The following MSH3 variants were observed in gnomAD, a reference collection of about 807,000 sequenced individuals.
The protein encoded by MSH3 is mutS homolog 3, also known as DNA mismatch repair protein Msh3.
Under a neutral mutation model 123.3 loss-of-function variants are expected in MSH3, and 106 were observed. That is an observed-to-expected ratio of 0.86 (90% CI 0.73 to 1.01). The LOEUF is 1.01. Ranked by LOEUF, MSH3 falls within the 50% of genes least tolerant of loss-of-function variation. The pLI is 0.00. For missense variants in MSH3, 1,459 were observed against 1,347.6 expected, an observed-to-expected ratio of 1.08 and a Z score of -1.29; for synonymous variants, 515 against 481.4, an observed-to-expected ratio of 1.07 and a Z score of -0.91.
intron 19 of MSH3, among the ~76,000 whole-genome samples, chr5:80,804,223 A>G (rs993766820): frequency 6.6e-6 from 1 of 152,104 alleles, no homozygotes; most frequent in Non-Finnish European, 1.5e-5. Context: ...TGTCCTCTTT[A>G]ATTTTTTGCA....
At chr5:80,724,678 A>G (rs745748203) in intron 8 of MSH3, among the ~76,000 whole-genome samples, 13 of 152,204 alleles carry the variant, frequency 8.5e-5, no homozygotes, top group African/African-American at 9.6e-5. Flanking sequence ...ACTATATTTG[A>G]CTGGAGACTG....
chr5:80,788,516 T>C (rs1357945659), intron 18 of MSH3, among the ~76,000 whole-genome samples: 2 of 151,806 alleles, frequency 1.3e-5, no homozygotes, highest in Non-Finnish European at 2.9e-5. Flanking sequence ...TATATATACT[T>C]AAGAAAAAGT....
intron 10 of MSH3, among the ~76,000 whole-genome samples, chr5:80,730,895 T>TATATA (rs60328336): frequency 0.011 from 995 of 93,210 alleles, 4 homozygotes; most frequent in East Asian, 0.068. Context: ...TATATATATA[T>TATATA]TTTTTTTTTT....
At chr5:80,713,365 A>G (rs1020710382) in intron 8 of MSH3, among the ~76,000 whole-genome samples, 5 of 152,198 alleles carry the variant, frequency 3.3e-5, no homozygotes, top group African/African-American at 1.2e-4. Context: ...TTACATGTGA[A>G]AAGGATTTCT....
intron 13 of MSH3, among the ~76,000 whole-genome samples, chr5:80,762,067 A>G (rs1483359630): frequency 6.6e-6 from 1 of 152,120 alleles, no homozygotes; most frequent in Non-Finnish European, 1.5e-5. Context: ...AACTATGGAA[A>G]AATCTGCTAG....
intron 10 of MSH3, among the ~76,000 whole-genome samples, chr5:80,735,402 A>T (rs1469064889): frequency 6.6e-6 from 1 of 150,996 alleles, no homozygotes; most frequent in Non-Finnish European, 1.5e-5. Context: ...AAAAAAAAAA[A>T]AAGTTGAGCA....
intron 21 of MSH3, among the ~76,000 whole-genome samples, chr5:80,854,851 C>G (rs1331923521): frequency 6.6e-6 from 1 of 152,130 alleles, no homozygotes; most frequent in Admixed American, 6.6e-5. Flanking sequence ...ATCTTATTAT[C>G]CTTGGTGAAC....
chr5:80,669,857 T>G (rs1471633943), intron 3 of MSH3, among the ~76,000 whole-genome samples: 1 of 152,242 alleles, frequency 6.6e-6, no homozygotes, highest in Non-Finnish European at 1.5e-5. Flanking sequence ...ATATTTAGAC[T>G]TTCAAAATTT....
At chr5:80,825,682 C>T (rs1201208671) in intron 20 of MSH3, among the ~76,000 whole-genome samples, 2 of 152,148 alleles carry the variant, frequency 1.3e-5, no homozygotes, top group African/African-American at 2.4e-5. Flanking sequence ...ATCCCACCAC[C>T]AGTGTTTAAA....
At chr5:80,772,390 C>A (rs1243406331) in intron 15 of MSH3, among the ~76,000 whole-genome samples, 1 of 152,072 alleles carries the variant, frequency 6.6e-6, no homozygotes, top group Non-Finnish European at 1.5e-5. Flanking sequence ...AAGTGTGGTG[C>A]TGGAGAAAAC....
At position 80,769,005 on chromosome 5, in the gene MSH3, T is replaced by G; in HGVS notation, c.2253+2T>G. The stretch of plus-strand genomic sequence containing the variant: ...TATGTGACAGTATCAGGACAGGAGG[T>G]AATGTCAAGCTTACTTTTATTTTCT... On this transcript the variant is annotated splice_donor_variant, in intron 15 of 23. Transcript: ENST00000265081. LOFTEE classifies it high-confidence loss of function. 1.2e-6 allele frequency: 2 copies of G among 1,611,454 alleles called. No individual in the cohort carries two copies. The highest frequency in any genetic ancestry group is 1.7e-6 in the Non-Finnish European group (2 of 1,178,302).
intron 20 of MSH3, among the ~76,000 whole-genome samples, chr5:80,838,847 G>A (rs1277680649): frequency 2.0e-5 from 3 of 152,122 alleles, no homozygotes; most frequent in African/African-American, 7.2e-5. Flanking sequence ...TTAGCTGTGT[G>A]ACATAAATTT....
chr5:80,685,402 G>A (rs1256426236), intron 8 of MSH3, among the ~76,000 whole-genome samples: 1 of 151,784 alleles, frequency 6.6e-6, no homozygotes, highest in Non-Finnish European at 1.5e-5. Context: ...TTGGTGGATT[G>A]TGTGTGTTTA....
Position 80,854,218 on chromosome 5 carries a change from T to C in MSH3, c.2902T>C (p.Ser968Pro). Residue 968 changes from serine to proline, a missense_variant, in exon 21 of 24, where the codon TCA (serine) becomes CCA (proline). By Grantham distance (74) the Ser-to-Pro change is moderately conservative. Coordinates refer to ENST00000265081, the MANE Select transcript of MSH3 (RefSeq NM_002439.5). ...AGCAGAAATAATCAGAAAAGCAACA[T>C]CACAGTCCTTGGTTATCTTGGATGA... ...DTAEIIRKAT[S>P]QSLVILDELG... The C allele has an allele frequency of 6.2e-7, 1 of 1,613,844 alleles. No individual in the cohort carries two copies.
chr5:80,824,558 C>G (rs566384053), intron 20 of MSH3, among the ~76,000 whole-genome samples: 12 of 152,362 alleles, frequency 7.9e-5, no homozygotes, highest in Middle Eastern at 6.8e-3. Flanking sequence ...AGCACTTCCT[C>G]AAGCCCTCGC....
At chr5:80,694,189 C>G (rs1188627334) in intron 8 of MSH3, among the ~76,000 whole-genome samples, 2 of 152,090 alleles carry the variant, frequency 1.3e-5, no homozygotes, top group African/African-American at 2.4e-5. Context: ...TACTTCAGAC[C>G]ATACAGAAAA....
chr5:80,830,286 T>G (rs1379812569), intron 20 of MSH3, among the ~76,000 whole-genome samples: 4 of 152,218 alleles, frequency 2.6e-5, no homozygotes, highest in African/African-American at 7.2e-5. Flanking sequence ...TAATTTACTT[T>G]CCTGTTTCTG....
intron 8 of MSH3, among the ~76,000 whole-genome samples, chr5:80,720,905 C>G (rs1372501862): frequency 6.6e-6 from 1 of 152,072 alleles, no homozygotes; most frequent in Non-Finnish European, 1.5e-5. Context: ...TTTAAGTGTA[C>G]AGTTTACACA....
At chr5:80,802,252 A>T (rs1744802376) in intron 19 of MSH3, among the ~76,000 whole-genome samples, 1 of 151,268 alleles carries the variant, frequency 6.6e-6, no homozygotes, top group Non-Finnish European at 1.5e-5. Context: ...TTATAACATG[A>T]ATATTTTCCT....
Sources: gnomAD v4.1 joint callset for allele counts (sites outside exome capture counted in the v4.1 genomes callset) on GRCh38, gnomAD v4.1.1 for gene constraint, MANE v1.5 for transcripts, NCBI Gene and HGNC (gene_info 2026-07-23, HGNC 2026-07-21) for gene names.